SYTL1: variants seen among roughly 807,000 people sequenced by gnomAD.
The protein encoded by SYTL1 is synaptotagmin like 1, also known as synaptotagmin-like protein 1.
SYTL1 carries 53 observed loss-of-function variants against 74.6 expected under a neutral mutation model. The ratio of observed to expected loss-of-function variants is 0.71; its 90% CI spans 0.57 to 0.89. The LOEUF is 0.89. SYTL1 is among the 40% of genes least tolerant of loss of function. SYTL1 has a pLI of 0.00. For missense variants in SYTL1, 728 were observed against 768.7 expected (o/e 0.95, Z 0.63); for synonymous variants, 329 against 324.9 (o/e 1.01, Z -0.14).
At position 27,347,525 on chromosome 1, in the gene SYTL1, C is replaced by G. The variant is rs373705543; in HGVS notation, c.296C>G (p.Ser99Cys). The change falls in exon 3 of 15, where the codon TCT (serine) becomes TGT (cysteine). Residue 99 changes from serine to cysteine, a missense_variant. Transcript: ENST00000616558. The surrounding 1 kb of genome is among the most constrained non-coding windows in gnomAD (Gnocchi z 4.9). ...CGGCACCACAATGCCCACTTCGGCT[C>G]TGACCTTGTCCGAGCGTCTATGCGC... is the stretch of plus-strand genomic sequence containing the variant. Reference protein sequence around the residue: ...SQRHHNAHFGSDLVRASMRRK... With the variant: ...SQRHHNAHFGCDLVRASMRRK... 5.1e-5 allele frequency: 83 copies of G among 1,614,120 alleles called. No individual in the cohort carries two copies. The highest frequency in any genetic ancestry group is 6.5e-5 in the Non-Finnish European group (77 of 1,180,042).
chr1:27,352,191 A>G (rs1053174014), intron 13 of SYTL1: 14 of 152,012 alleles, frequency 9.2e-5, no homozygotes, highest in Admixed American at 5.9e-4. Context: ...AGTACAAGAA[A>G]TTATCCGGGC....
At chr1:27,349,631 C>T in intron 7 of SYTL1, 21 bp from the exon 8 acceptor site, 2 of 1,588,542 alleles carry the variant, frequency 1.3e-6, no homozygotes, top group Middle Eastern at 1.7e-4. Context: ...AGGGGCGCCC[C>T]GTCACTTGCC....
chr1:27,349,819 C>A (rs1005856474), intron 8 of SYTL1, 54 bp downstream of exon 8: 2 of 1,547,466 alleles, frequency 1.3e-6, no homozygotes, highest in African/African-American at 2.7e-5. Context: ...CGTTCCGATG[C>A]GTAGCCCCTG....
chr1:27,345,419 G>A lies in SYTL1; in HGVS notation c.85G>A (p.Glu29Lys), dbSNP rs758215855. 1.3e-5 allele frequency: 20 copies of A among 1,561,896 alleles called. No homozygotes were observed. Among genetic ancestry groups the A allele is most frequent in the African/African-American group, 1.2e-4 (9 of 73,948 alleles). The change falls in exon 2 of 15, where the codon GAA (glutamate) becomes AAA (lysine). Residue 29 changes from glutamate to lysine, a missense_variant. Transcript: ENST00000616558. The surrounding 1 kb of genome is among the most constrained non-coding windows in gnomAD (Gnocchi z 6.0). ...GGCGCATGGGCCAAAGCCTGAGACT[G>A]AAGGACTGTTGGACCTCAGCTTCCT... ...PMAHGPKPET[E>K]GLLDLSFLTE...
chr1:27,347,994 G>A lies in SYTL1; in HGVS notation c.441G>A (p.Glu147=). 1 of 1,614,200 alleles carries A rather than the reference G, an allele frequency of 6.2e-7. No individual in the cohort carries two copies. Among genetic ancestry groups the A allele is most frequent in the Non-Finnish European group, 8.5e-7 (1 of 1,180,012 alleles). ...TCACCATTGATGAGGCCCCTCAGGA[G>A]AGGCTCAGGGAGACTGAGGTAAGTG... ...PRLTIDEAPQ[E]RLRETEGPDF... is the part of the protein sequence containing the mutation. Residue 147 remains glutamate, a synonymous_variant, in exon 5 of 15, where the codon GAG becomes GAA. Transcript: ENST00000616558. The surrounding 1 kb of genome is among the most constrained non-coding windows in gnomAD (Gnocchi z 4.9).
In SYTL1 at chr1:27,351,572, C is replaced by T. The variant is rs2015280623; in HGVS notation, c.1343+17C>T. 1 of 1,476,040 alleles carries T rather than the reference C, an allele frequency of 6.8e-7. No homozygotes were observed. Among genetic ancestry groups the T allele is most frequent in the Non-Finnish European group, 9.1e-7 (1 of 1,099,830 alleles). 91.4% of individuals were successfully genotyped at this position (1,476,040 alleles called of 1,614,324 possible). Reference sequence around the variant, plus strand: ...CGTACAATGGTGAGGAGTGCTGGCCCTCCGGGCTTCCCATTCTTTTGCCTG... The same window carrying T: ...CGTACAATGGTGAGGAGTGCTGGCCTTCCGGGCTTCCCATTCTTTTGCCTG... On this transcript the variant is annotated intron_variant, in intron 13 of 14. Transcript: ENST00000616558. This position sits in a 1 kb window ranked among gnomAD's most constrained non-coding sequence, Gnocchi z 5.0.
Position 27,350,966 on chromosome 1 carries a change from G to C in SYTL1, c.1164+14G>C. 1.2e-6 allele frequency: 2 copies of C among 1,612,210 alleles called. No individual in the cohort carries two copies. Among genetic ancestry groups the C allele is most frequent in the Non-Finnish European group, 1.7e-6 (2 of 1,179,494 alleles). ...CTGCAGCCCCGGGTGAGGCAGCCAG[G>C]CCGCGTGGGGAGACCTGCGGCCCGG... On this transcript the variant is annotated intron_variant, in intron 11 of 14. Transcript: ENST00000616558. The surrounding 1 kb of genome is among the most constrained non-coding windows in gnomAD (Gnocchi z 6.3).
rs2015250683 is a variant in SYTL1 at position 27,351,089 on chromosome 1, G to T, written c.1164+137G>T. On this transcript the variant is annotated intron_variant, in intron 11 of 14. Coordinates refer to ENST00000616558, the MANE Select transcript of SYTL1 (RefSeq NM_001193308.2). The surrounding 1 kb of genome is among the most constrained non-coding windows in gnomAD (Gnocchi z 5.0). ...ACCTCTTAACCTCATGGCCCCAGGC[G>T]AAGCCCGGCCGGCCACGGCCCCTTC... The T allele has an allele frequency of 7.4e-7, 1 of 1,342,578 alleles. No individual in the cohort carries two copies. The highest frequency in any genetic ancestry group is 1.0e-6 in the Non-Finnish European group (1 of 990,518). 83.2% of individuals were successfully genotyped at this position (1,342,578 alleles called of 1,614,324 possible).
Position 27,342,808 on chromosome 1 carries a change from CAG to C in SYTL1, c.-39+663_-39+664del, listed in dbSNP as rs1312450426. On this transcript the variant is annotated intron_variant, in intron 1 of 14. Coordinates refer to ENST00000616558, the MANE Select transcript of SYTL1 (RefSeq NM_001193308.2). This position sits in a 1 kb window ranked among gnomAD's most constrained non-coding sequence, Gnocchi z 4.7. The stretch of plus-strand genomic sequence containing the variant: ...ACCCACACAGCCACACAACAGGGCA[CAG>C]AGAGGGACGTGGGCTCACACCCCAA... Among the ~76,000 whole-genome samples the C allele has an allele frequency of 1.3e-5, 2 of 151,860 alleles. No homozygotes were observed. The highest frequency in any genetic ancestry group is 4.9e-5 in the African/African-American group (2 of 41,112).
In SYTL1 at chr1:27,351,381, C is replaced by T. The variant is rs1472271956; in HGVS notation, c.1243+45C>T. On this transcript the variant is annotated intron_variant, in intron 12 of 14. Coordinates refer to ENST00000616558, the MANE Select transcript of SYTL1 (RefSeq NM_001193308.2). This position sits in a 1 kb window ranked among gnomAD's most constrained non-coding sequence, Gnocchi z 5.0. ...GCCAAGCTGGACACGCCCTGAAAAG[C>T]GGGAGACTCCAGTCCCCGGGTTTGG... The T allele has an allele frequency of 6.6e-7, 1 of 1,511,998 alleles. No individual in the cohort carries two copies. The highest frequency in any genetic ancestry group is 2.5e-5 in the East Asian group (1 of 40,530). 93.7% of individuals were successfully genotyped at this position (1,511,998 alleles called of 1,614,324 possible).
In SYTL1 at chr1:27,347,843, G is replaced by A. The variant is rs202135642; in HGVS notation, c.376G>A (p.Ala126Thr). The A allele has an allele frequency of 6.4e-5, 103 of 1,614,044 alleles. No homozygotes were observed. The African/African-American group carries it at 1.3e-3, about 20-fold the overall frequency. ...TCCAGGCCACGACAGGGAGGCTGAG[G>A]CTGCTGTGAAAGAGAAGGAAGAGGG... ...QAPGHDREAE[A>T]AVKEKEEGPE... The change falls in exon 4 of 15, where the codon GCT (alanine) becomes ACT (threonine). Residue 126 changes from alanine (A) to threonine (T), a missense_variant. Ala to Thr is a moderately conservative substitution (Grantham distance 58, BLOSUM62 0). Coordinates refer to ENST00000616558, the MANE Select transcript of SYTL1 (RefSeq NM_001193308.2). This position sits in a 1 kb window ranked among gnomAD's most constrained non-coding sequence, Gnocchi z 4.9.
chr1:27,351,492 G>A lies in SYTL1; in HGVS notation c.1280G>A (p.Trp427Ter). 6.5e-7 allele frequency: 1 copy of A among 1,548,886 alleles called. No homozygotes were observed. The highest frequency in any genetic ancestry group is 8.7e-7 in the Non-Finnish European group (1 of 1,146,124). The change falls in exon 13 of 15, where the codon TGG (tryptophan) becomes TAG (stop). Residue 427 changes from tryptophan (W) to a stop codon, truncating the protein, a stop_gained. Transcript: ENST00000616558. LOFTEE classifies it high-confidence loss of function. This position sits in a 1 kb window ranked among gnomAD's most constrained non-coding sequence, Gnocchi z 5.0. ...CCCCCGAGCGGGGAGCTGCACTTCT[G>A]GGTGAAGGAGGCTCGGGACCTCCTG... ...GLPPSGELHF[W>*]VKEARDLLPL...
chr1:27,347,628 G>T lies in SYTL1; in HGVS notation c.340+59G>T. On this transcript the variant is annotated intron_variant, in intron 3 of 14. Transcript: ENST00000616558. The surrounding 1 kb of genome is among the most constrained non-coding windows in gnomAD (Gnocchi z 4.9). ...GTGCCGTCCAGGGCGCTGGCTGTATGTGGACAGGGAGAGAGGACCACTAGG... is the reference window on the plus strand; with the variant it reads ...GTGCCGTCCAGGGCGCTGGCTGTATTTGGACAGGGAGAGAGGACCACTAGG... 1 of 1,593,752 alleles carries T rather than the reference G, an allele frequency of 6.3e-7. No individual in the cohort carries two copies. The highest frequency in any genetic ancestry group is 2.2e-5 in the East Asian group (1 of 44,752).
At position 27,350,988 on chromosome 1, in the gene SYTL1, C is replaced by T; in HGVS notation, c.1164+36C>T. The T allele has an allele frequency of 1.2e-6, 2 of 1,609,060 alleles. No individual in the cohort carries two copies. Among genetic ancestry groups the T allele is most frequent in the Non-Finnish European group, 8.5e-7 (1 of 1,177,852 alleles). ...CAGGCCGCGTGGGGAGACCTGCGGCCCGGGTCTCCTGCATTTACCCCACCA... is the reference window on the plus strand; with the variant it reads ...CAGGCCGCGTGGGGAGACCTGCGGCTCGGGTCTCCTGCATTTACCCCACCA... On this transcript the variant is annotated intron_variant, in intron 11 of 14. Transcript: ENST00000616558. This position sits in a 1 kb window ranked among gnomAD's most constrained non-coding sequence, Gnocchi z 6.3.
Position 27,350,940 on chromosome 1 carries a change from C to G in SYTL1, c.1152C>G (p.Pro384=), listed in dbSNP as rs1414135608. Residue 384 remains proline, a synonymous_variant, in exon 11 of 15, where the codon CCC becomes CCG. Coordinates refer to ENST00000616558, the MANE Select transcript of SYTL1 (RefSeq NM_001193308.2). This position sits in a 1 kb window ranked among gnomAD's most constrained non-coding sequence, Gnocchi z 6.3. ...WDWGSEPTWL[P]LQPRVPPSPD... ...GGGGCTCTGAGCCCACCTGGCTCCCCCTGCAGCCCCGGGTGAGGCAGCCAG... is the reference window on the plus strand; with the variant it reads ...GGGGCTCTGAGCCCACCTGGCTCCCGCTGCAGCCCCGGGTGAGGCAGCCAG... 3 of 1,613,104 alleles carry G rather than the reference C, an allele frequency of 1.9e-6. No homozygotes were observed. Among genetic ancestry groups the G allele is most frequent in the African/African-American group, 1.3e-5 (1 of 74,914 alleles).
At chr1:27,349,206 G>A in intron 6 of SYTL1, 54 bp downstream of exon 6, 1 of 1,574,290 alleles carries the variant, frequency 6.4e-7, no homozygotes, top group Non-Finnish European at 8.7e-7. Flanking sequence ...GTCAGAGGCA[G>A]CTCTAAGGGG....
Position 27,344,229 on chromosome 1 carries a change from G to A in SYTL1, c.-38-1068G>A, listed in dbSNP as rs556593132. 1.1e-4 allele frequency among the ~76,000 whole-genome samples: 17 copies of A among 151,990 alleles called. No homozygotes were observed. The East Asian group carries it at 2.9e-3, about 26-fold the overall frequency. ...AGCAATTCTCCCACCTCAGCCTCCC[G>A]AGTAGCTGGGATTAAAGGCATGCAC... is the stretch of plus-strand genomic sequence containing the variant. On this transcript the variant is annotated intron_variant, in intron 1 of 14. Transcript: ENST00000616558.
At chr1:27,353,241 G>A in intron 13 of SYTL1, 42 bp from the exon 14 acceptor site, 1 of 1,545,974 alleles carries the variant, frequency 6.5e-7, no homozygotes, top group South Asian at 1.2e-5. Context: ...ACTCTAGGGA[G>A]TGTGAGGGGG....
At position 27,351,688 on chromosome 1, in the gene SYTL1, G is replaced by C. The variant is rs1019314577; in HGVS notation, c.1343+133G>C. The C allele has an allele frequency of 2.3e-5, 14 of 612,788 alleles. No individual in the cohort carries two copies. Among genetic ancestry groups the C allele is most frequent in the South Asian group, 4.4e-5 (2 of 45,678 alleles). The allele number at this position is 612,788 out of a possible 1,614,324, so 38.0% of individuals were successfully genotyped here. A position where few individuals can be genotyped will look rare whatever the true frequency, so the allele number is the denominator to read the frequency against. The stretch of plus-strand genomic sequence containing the variant: ...ACCACTGAGCAGGGGTGAAGGGGAC[G>C]GTTTGAGCAAAGGCCTGGAGTCAGG... On this transcript the variant is annotated intron_variant, in intron 13 of 14. Coordinates refer to ENST00000616558, the MANE Select transcript of SYTL1 (RefSeq NM_001193308.2). This position sits in a 1 kb window ranked among gnomAD's most constrained non-coding sequence, Gnocchi z 5.0.
Sources: allele counts gnomAD v4.1 joint callset (sites outside exome capture counted in the v4.1 genomes callset), GRCh38; gene constraint gnomAD v4.1.1; non-coding constraint Gnocchi (gnomAD v3.1); transcripts MANE v1.5; gene names NCBI Gene and HGNC (gene_info 2026-07-23, HGNC 2026-07-21).